The following PCYT2 variants were observed in gnomAD, a reference collection of about 807,000 sequenced individuals.
PCYT2 encodes ethanolamine-phosphate cytidylyltransferase.
In PCYT2, 33 loss-of-function variants were observed where a neutral mutation model predicts 50.0. The ratio of observed to expected loss-of-function variants is 0.66; its 90% CI spans 0.50 to 0.88. The LOEUF is 0.88. Ranked by LOEUF, PCYT2 falls within the 40% of genes least tolerant of loss-of-function variation. The pLI, the probability that PCYT2 is intolerant of heterozygous loss-of-function variation, is 0.00. For synonymous variants in PCYT2, 240 were observed against 203.7 expected (o/e 1.18, Z -1.52); for missense variants, 430 against 519.7 (o/e 0.83, Z 1.68).
chr17:81,910,006 T>C (rs2040490887), intron 1 of PCYT2, among the ~76,000 whole-genome samples: 1 of 152,210 alleles, frequency 6.6e-6, no homozygotes, highest in South Asian at 2.1e-4. Flanking sequence ...GGTTGGATCC[T>C]AGACTACCTT....
At chr17:81,910,375 G>A (rs1326209408) in intron 1 of PCYT2, among the ~76,000 whole-genome samples, 2 of 152,226 alleles carry the variant, frequency 1.3e-5, no homozygotes, top group Non-Finnish European at 2.9e-5. Flanking sequence ...CCCACACAGT[G>A]CACAGAGTTG....
At chr17:81,909,820 T>C (rs931165162) in intron 1 of PCYT2, among the ~76,000 whole-genome samples, 3 of 152,128 alleles carry the variant, frequency 2.0e-5, no homozygotes, top group African/African-American at 7.2e-5. Context: ...GTGCCAGATC[T>C]AGAAAGGGTG....
Position 81,902,553 on chromosome 17 carries a change from G to C in PCYT2, c.*2280C>G. On this transcript the variant is annotated 3_prime_UTR_variant, in exon 13 of 13. Coordinates refer to ENST00000538936, the MANE Select transcript of PCYT2 (RefSeq NM_002861.5). ...TGAGTCCGGCGTGCCGGGGACTGAT[G>C]GGGGGCGGCGGCAGGACGTGGGTGG... The C allele has an allele frequency of 6.7e-7, 1 of 1,493,666 alleles. No homozygotes were observed. Among genetic ancestry groups the C allele is most frequent in the Non-Finnish European group, 8.9e-7 (1 of 1,127,176 alleles). 92.5% of individuals were successfully genotyped at this position (1,493,666 alleles called of 1,614,324 possible).
At chr17:81,905,194 C>T in intron 11 of PCYT2, 40 bp from the exon 12 acceptor site, 1 of 1,537,522 alleles carries the variant, frequency 6.5e-7, no homozygotes, top group East Asian at 2.3e-5. Flanking sequence ...AAGGTCCCTG[C>T]TGACCTCCCC....
At chr17:81,906,019 C>T in intron 9 of PCYT2, 81 bp downstream of exon 9, 1 of 1,307,128 alleles carries the variant, frequency 7.7e-7, no homozygotes, top group Non-Finnish European at 1.1e-6. Context: ...CCCCCCTGCC[C>T]TGGCTCAGGG....
intron 6 of PCYT2, 167 bp downstream of exon 6, chr17:81,907,387 C>A: frequency 8.5e-7 from 1 of 1,175,158 alleles, no homozygotes. Flanking sequence ...TCCCTCCCAG[C>A]ATCCACCAGT....
chr17:81,904,921 T>G lies in PCYT2; in HGVS notation c.1082A>C (p.Gln361Pro). ...GGCCAGCTCCTTGGCTTCCTTCTTC[T>G]GGTTTCGCGCCTCATACTCCAACCT... ...TNRLEYEARN[Q>P]KKEAKELAFL... Residue 361 changes from glutamine (Q) to proline (P), a missense_variant, in exon 13 of 13, where the codon CAG becomes CCG. Physicochemically the swap from Gln to Pro is moderately conservative, Grantham distance 76. Around this residue, in one of 4 missense-constraint regions of PCYT2, gnomAD observed 248 missense variants for 300.2 expected, o/e 0.83. Transcript: ENST00000538936. 1 of 1,610,886 alleles carries G rather than the reference T, an allele frequency of 6.2e-7. No homozygotes were observed. The highest frequency in any genetic ancestry group is 8.5e-7 in the Non-Finnish European group (1 of 1,178,582).
rs749409125 is a variant in PCYT2 at position 81,902,784 on chromosome 17, GC to G, written c.*2048del. On this transcript the variant is annotated 3_prime_UTR_variant, in exon 13 of 13. Transcript: ENST00000538936. ...CTCCTGGCACCGCTGGGGGCCCCCCGCCCCCACCGTCCCACTCGGTGACCCC... is the reference window on the plus strand; with the variant it reads ...CTCCTGGCACCGCTGGGGGCCCCCCGCCCCACCGTCCCACTCGGTGACCCC... The G allele has an allele frequency of 5.2e-5, 82 of 1,567,128 alleles. No homozygotes were observed. Among genetic ancestry groups the G allele is most frequent in the Non-Finnish European group, 6.8e-5 (79 of 1,159,242 alleles).
Position 81,902,790 on chromosome 17 carries a change from A to G in PCYT2, c.*2043T>C. 6.4e-7 allele frequency: 1 copy of G among 1,559,142 alleles called. No homozygotes were observed. Among genetic ancestry groups the G allele is most frequent in the African/African-American group, 1.4e-5 (1 of 72,012 alleles). On this transcript the variant is annotated 3_prime_UTR_variant, in exon 13 of 13. Transcript: ENST00000538936. Reference sequence around the variant, plus strand: ...GCACCGCTGGGGGCCCCCCGCCCCCACCGTCCCACTCGGTGACCCCAGGCC... The same window carrying G: ...GCACCGCTGGGGGCCCCCCGCCCCCGCCGTCCCACTCGGTGACCCCAGGCC...
rs373605266 is a variant in PCYT2, at chr17:81,909,622, G to A, written c.90-20C>T. 5 of 1,600,518 alleles carry A rather than the reference G, an allele frequency of 3.1e-6. No homozygotes were observed. The highest frequency in any genetic ancestry group is 4.3e-6 in the Non-Finnish European group (5 of 1,167,948). On this transcript the variant is annotated intron_variant, in intron 1 of 12. Transcript: ENST00000538936. ...TCATAGCTGTGGAGACAGAGAGAGTGGGTGGTCCCTGTGCCAAGGGTGGGG... is the reference window on the plus strand; with the variant it reads ...TCATAGCTGTGGAGACAGAGAGAGTAGGTGGTCCCTGTGCCAAGGGTGGGG...
Position 81,911,314 on chromosome 17 carries a change from C to T in PCYT2, c.42G>A (p.Gln14=), listed in dbSNP as rs976033780. The T allele has an allele frequency of 3.5e-6, 4 of 1,132,940 alleles. No individual in the cohort carries two copies. The highest frequency in any genetic ancestry group is 4.4e-6 in the Non-Finnish European group (4 of 911,240). 70.2% of individuals were successfully genotyped at this position (1,132,940 alleles called of 1,614,324 possible). The stretch of plus-strand genomic sequence containing the variant: ...CGGCGCGCCTGCCCCCCGGGCCCGG[C>T]TGCTCTGCGCCGCCTGCAGCCCCGC... ...NGRGAAGGAE[Q]PGPGGRRAVR... is the part of the protein sequence containing the mutation. The change falls in exon 1 of 13, where the codon CAG becomes CAA. Residue 14 remains glutamine (Q), a synonymous_variant. Transcript: ENST00000538936.
intron 9 of PCYT2, 136 bp from the exon 10 acceptor site, chr17:81,905,871 G>A: frequency 1.1e-6 from 1 of 927,930 alleles, no homozygotes; most frequent in Non-Finnish European, 1.7e-6. Context: ...GCAGGCTGGG[G>A]ACCCCTGGGG....
Position 81,908,930 on chromosome 17 carries a change from C to G in PCYT2, c.286G>C (p.Val96Leu). ...TTGTCCAGGGTCTCTAGTGTAGTGA[C>G]GTAGGGAGCCGCTGGCACCACCTCG... ...VDEVVPAAPY[V>L]TTLETLDKYN... Residue 96 changes from valine to leucine, a missense_variant, in exon 3 of 13, where the codon GTC becomes CTC. Physicochemically the swap from Val to Leu is conservative, Grantham distance 32. This residue lies in a region of PCYT2 where 117 missense variants were observed against 163.9 expected (regional missense o/e 0.71). Coordinates refer to ENST00000538936, the MANE Select transcript of PCYT2 (RefSeq NM_002861.5). 1 of 1,613,878 alleles carries G rather than the reference C, an allele frequency of 6.2e-7. No homozygotes were observed. Among genetic ancestry groups the G allele is most frequent in the Non-Finnish European group, 8.5e-7 (1 of 1,179,982 alleles).
chr17:81,909,049 A>G lies in PCYT2; in HGVS notation c.179-12T>C, dbSNP rs1322727518. On this transcript the variant is annotated splice_polypyrimidine_tract_variant and intron_variant, in intron 2 of 12. Coordinates refer to ENST00000538936, the MANE Select transcript of PCYT2 (RefSeq NM_002861.5). Reference sequence around the variant, plus strand: ...CTTGGCGATCTCCTCTAGGAAAAGGACAACGGGGAGACTGGGGACCCCAGC... The same window carrying G: ...CTTGGCGATCTCCTCTAGGAAAAGGGCAACGGGGAGACTGGGGACCCCAGC... The G allele has an allele frequency of 6.2e-7, 1 of 1,608,956 alleles. No homozygotes were observed. The highest frequency in any genetic ancestry group is 8.5e-7 in the Non-Finnish European group (1 of 1,177,184).
At position 81,906,459 on chromosome 17, in the gene PCYT2, G is replaced by A; in HGVS notation, c.759+5C>T. On this transcript the variant is annotated splice_donor_5th_base_variant and intron_variant, in intron 8 of 12. Coordinates refer to ENST00000538936, the MANE Select transcript of PCYT2 (RefSeq NM_002861.5). ...CAGGGGCCCAGGGAGCAAGAAGGCA[G>A]TGACCTGGTCAAAGTGTAAGCCCGC... 6.2e-7 allele frequency: 1 copy of A among 1,612,982 alleles called. No individual in the cohort carries two copies.
chr17:81,905,469 G>A (rs895538559), intron 10 of PCYT2, 22 bp from the exon 11 acceptor site: 3 of 1,561,028 alleles, frequency 1.9e-6, no homozygotes, highest in Non-Finnish European at 2.6e-6. Flanking sequence ...GTGGGGTCAG[G>A]AGCCCTCCCC....
Position 81,902,836 on chromosome 17 carries a change from C to T in PCYT2, c.*1997G>A. The T allele has an allele frequency of 8.4e-7, 1 of 1,192,320 alleles. No homozygotes were observed. The highest frequency in any genetic ancestry group is 1.5e-5 in the South Asian group (1 of 66,596). 73.9% of individuals were successfully genotyped at this position (1,192,320 alleles called of 1,614,324 possible). ...AGGCCCCTCCGGCGCGGGATGGCGC[C>T]CCAGGTCTCCCCTACTCCGCTCACC... On this transcript the variant is annotated 3_prime_UTR_variant, in exon 13 of 13. Transcript: ENST00000538936.
Position 81,902,789 on chromosome 17 carries a change from C to T in PCYT2, c.*2044G>A. ...GGCACCGCTGGGGGCCCCCCGCCCCCACCGTCCCACTCGGTGACCCCAGGC... is the reference window on the plus strand; with the variant it reads ...GGCACCGCTGGGGGCCCCCCGCCCCTACCGTCCCACTCGGTGACCCCAGGC... On this transcript the variant is annotated 3_prime_UTR_variant, in exon 13 of 13. Coordinates refer to ENST00000538936, the MANE Select transcript of PCYT2 (RefSeq NM_002861.5). 6.4e-7 allele frequency: 1 copy of T among 1,562,972 alleles called. No individual in the cohort carries two copies. Among genetic ancestry groups the T allele is most frequent in the Non-Finnish European group, 8.6e-7 (1 of 1,157,286 alleles).
rs754175289 is a variant in PCYT2, at chr17:81,902,706, C to A, written c.*2127G>T. On this transcript the variant is annotated 3_prime_UTR_variant, in exon 13 of 13. Transcript: ENST00000538936. ...GCGGGACCTACCAGTGCAAGGCGAA[C>A]GTCTTCCTGTCCCTGCGCGCAGCCG... 69 of 1,609,070 alleles carry A rather than the reference C, an allele frequency of 4.3e-5. No homozygotes were observed. Among genetic ancestry groups the A allele is most frequent in the Non-Finnish European group, 5.8e-5 (68 of 1,178,906 alleles).
Sources: gnomAD v4.1 joint callset for allele counts (sites outside exome capture counted in the v4.1 genomes callset) on GRCh38, gnomAD v4.1.1 for gene constraint, gnomAD v4.1.1 regional missense constraint, MANE v1.5 for transcripts, NCBI Gene and HGNC (gene_info 2026-07-23, HGNC 2026-07-21) for gene names.